Variants in TPST1 observed in about 807,000 individuals in gnomAD.
TPST1 encodes the protein tyrosylprotein sulfotransferase 1.
In TPST1, 20 loss-of-function variants were observed where a neutral mutation model predicts 34.8. The observed-to-expected ratio is 0.57, with a 90% CI of 0.40 to 0.84. The LOEUF (loss-of-function observed/expected upper bound fraction) is 0.84. Ranked by LOEUF, TPST1 falls within the 40% of genes least tolerant of loss-of-function variation. The pLI is 0.00. For missense variants in TPST1, 353 were observed against 455.5 expected, an observed-to-expected ratio of 0.78 and a Z score of 2.05; for synonymous variants, 152 against 159.4, an observed-to-expected ratio of 0.95 and a Z score of 0.35.
At chr7:66,237,001 T>A (rs1789925060) in intron 1 of TPST1, among the ~76,000 whole-genome samples, 1 of 152,138 alleles carries the variant, frequency 6.6e-6, no homozygotes, top group Non-Finnish European at 1.5e-5. Flanking sequence ...CTTTTTCAGA[T>A]CTGCTGTCTT....
chr7:66,202,917 T>C (rs1269326692), upstream of TPST1, among the ~76,000 whole-genome samples: 2 of 151,878 alleles, frequency 1.3e-5, no homozygotes, highest in Non-Finnish European at 2.9e-5. Flanking sequence ...CTAATAAAAC[T>C]ACAAAAAAAT....
chr7:66,267,756 T>G (rs983253512), intron 2 of TPST1, among the ~76,000 whole-genome samples: 1 of 152,214 alleles, frequency 6.6e-6, no homozygotes, highest in African/African-American at 2.4e-5. Context: ...ACTTCCATTA[T>G]GTACCTAGAA....
chr7:66,232,775 C>G (rs1789825895), intron 1 of TPST1, among the ~76,000 whole-genome samples: 2 of 152,212 alleles, frequency 1.3e-5, no homozygotes, highest in African/African-American at 4.8e-5. Context: ...TCTGTTTAGC[C>G]TTCTGAGGAA....
intron 1 of TPST1, among the ~76,000 whole-genome samples, chr7:66,230,199 C>G (rs1278294839): frequency 6.6e-6 from 1 of 152,120 alleles, no homozygotes; most frequent in East Asian, 1.9e-4. Flanking sequence ...AACAAACAAA[C>G]AAAAACTAGT....
chr7:66,358,569 G>A (rs1584266429), intron 5 of TPST1, among the ~76,000 whole-genome samples: 1 of 151,988 alleles, frequency 6.6e-6, no homozygotes, highest in Non-Finnish European at 1.5e-5. Context: ...TGTGACTTGC[G>A]GTGCGTTGAT....
intron 3 of TPST1, among the ~76,000 whole-genome samples, chr7:66,299,876 C>T (rs562630566): frequency 4.6e-4 from 70 of 152,242 alleles, no homozygotes; most frequent in Non-Finnish European, 8.8e-4. Flanking sequence ...TATAGGCACA[C>T]CTTGGAGAGA....
chr7:66,359,982 C>T lies in TPST1; in HGVS notation c.*117C>T, dbSNP rs760572652. Reference sequence around the variant, plus strand: ...TGGTGGAGCGTCTGCACCTTGGCTGCGCCGCCTGTGCATTTGCCAGTTTCC... The same window carrying T: ...TGGTGGAGCGTCTGCACCTTGGCTGTGCCGCCTGTGCATTTGCCAGTTTCC... On this transcript the variant is annotated 3_prime_UTR_variant, in exon 6 of 6. Coordinates refer to ENST00000304842, the MANE Select transcript of TPST1 (RefSeq NM_003596.4). The T allele has an allele frequency of 2.6e-5, 12 of 456,478 alleles. No homozygotes were observed. The highest frequency in any genetic ancestry group is 7.7e-5 in the South Asian group (5 of 64,562). The allele number at this position is 456,478 out of a possible 1,614,324, so 28.3% of individuals were successfully genotyped here.
At chr7:66,340,379 G>A (rs7782704) in intron 3 of TPST1, among the ~76,000 whole-genome samples, 98,155 of 151,930 alleles carry the variant, frequency 0.65, 32,061 homozygotes, top group African/African-American at 0.74. Context: ...TAGTACTTGA[G>A]GTCCTAGCCC....
chr7:66,350,033 G>A lies in TPST1; in HGVS notation c.1045-2472G>A, dbSNP rs550786178. ...GGTAGAACAAATGATTCTTTTTTTC[G>A]AGATGGAGTTTCGCTCTTGTTGCCC... is the stretch of plus-strand genomic sequence containing the variant. On this transcript the variant is annotated intron_variant, in intron 3 of 5. Transcript: ENST00000304842. 3.3e-5 allele frequency among the ~76,000 whole-genome samples: 5 copies of A among 151,902 alleles called. No individual in the cohort carries two copies. In the East Asian group the frequency reaches 5.8e-4, roughly 18 times the overall value.
At chr7:66,256,444 C>T (rs1017888890) in intron 2 of TPST1, among the ~76,000 whole-genome samples, 5 of 152,172 alleles carry the variant, frequency 3.3e-5, no homozygotes, top group Non-Finnish European at 7.3e-5. Context: ...AAGGCTGCAT[C>T]AGGGCTCGAC....
At chr7:66,200,676 T>C (rs1246707724), upstream of TPST1, among the ~76,000 whole-genome samples, 3 of 152,088 alleles carry the variant, frequency 2.0e-5, no homozygotes, top group African/African-American at 4.8e-5. Context: ...CGCTTCGGCC[T>C]CCCAAAGTGC....
chr7:66,304,404 T>C (rs773721427), intron 3 of TPST1, among the ~76,000 whole-genome samples: 30 of 152,168 alleles, frequency 2.0e-4, no homozygotes, highest in Non-Finnish European at 4.0e-4. Context: ...TGCCCTGACC[T>C]CTTAAAAATA....
Position 66,353,246 on chromosome 7 carries a change from G to A in TPST1, c.1095+691G>A, listed in dbSNP as rs182253067. Among the ~76,000 whole-genome samples, 10 of 152,122 alleles carry A rather than the reference G, an allele frequency of 6.6e-5. No homozygotes were observed. The East Asian group carries it at 1.9e-3, about 29-fold the overall frequency. ...AGAATCACATGAACCGGGAGGTGGA[G>A]GTTGCTGAGCCAAGATTACACCACT... On this transcript the variant is annotated intron_variant, in intron 4 of 5. Coordinates refer to ENST00000304842, the MANE Select transcript of TPST1 (RefSeq NM_003596.4).
chr7:66,280,379 T>A (rs941523636), intron 2 of TPST1, among the ~76,000 whole-genome samples: 3 of 152,190 alleles, frequency 2.0e-5, no homozygotes, highest in African/African-American at 2.4e-5. Flanking sequence ...CAAGTTTTCG[T>A]GGCTATTGTG....
intron 2 of TPST1, among the ~76,000 whole-genome samples, chr7:66,267,776 G>T (rs1275593395): frequency 1.3e-5 from 2 of 152,104 alleles, no homozygotes; most frequent in African/African-American, 4.8e-5. Context: ...ATCATCCTGG[G>T]CGCATAAGAT....
At chr7:66,199,695 G>A in the TPST1 span, among the ~76,000 whole-genome samples, 7 of 144,668 alleles carry the variant, frequency 4.8e-5, no homozygotes, top group Admixed American at 1.4e-4. Flanking sequence ...GCCATGAAGA[G>A]AGCTTTGCTG....
At chr7:66,215,809 G>A (rs1030531160) in intron 1 of TPST1, among the ~76,000 whole-genome samples, 1 of 103,378 alleles carries the variant, frequency 9.7e-6, no homozygotes, top group South Asian at 3.0e-4. Flanking sequence ...GTCTCGCTTT[G>A]TCGCCCAGGC....
At chr7:66,233,074 G>A (rs962667408) in intron 1 of TPST1, among the ~76,000 whole-genome samples, 1 of 151,978 alleles carries the variant, frequency 6.6e-6, no homozygotes, top group African/African-American at 2.4e-5. Context: ...TTGTTGAATT[G>A]TAATAGTTTT....
intron 2 of TPST1, among the ~76,000 whole-genome samples, chr7:66,271,438 G>A (rs13230545): frequency 0.67 from 101,176 of 152,052 alleles, 34,036 homozygotes; most frequent in African/African-American, 0.76. Flanking sequence ...CAGCTTCCCA[G>A]AGTGCTGGGA....
Sources: allele counts gnomAD v4.1 joint callset (sites outside exome capture counted in the v4.1 genomes callset), GRCh38; gene constraint gnomAD v4.1.1; transcripts MANE v1.5; gene names NCBI Gene and HGNC (gene_info 2026-07-23, HGNC 2026-07-21).